ADGB: variants seen among roughly 807,000 people sequenced by gnomAD.
The protein encoded by ADGB is calpain-7-like protein.
In ADGB, 172 loss-of-function variants were observed where a neutral mutation model predicts 210.5. That is an observed-to-expected ratio of 0.82 (90% CI 0.72 to 0.93). ADGB has a LOEUF of 0.93. ADGB is among the 40% of genes least tolerant of loss of function. The pLI is 0.00. For missense variants in ADGB, 2,025 were observed against 1,964.8 expected, an observed-to-expected ratio of 1.03 and a Z score of -0.58; for synonymous variants, 658 against 662.7, an observed-to-expected ratio of 0.99 and a Z score of 0.11.
chr6:146,678,660 TA>T (rs11352837), intron 9 of ADGB, among the ~76,000 whole-genome samples: 1,579 of 152,310 alleles, frequency 0.01, 22 homozygotes, highest in African/African-American at 0.034. Context: ...GTCATTACAA[TA>T]AAATGACGCT....
rs147127852 is a variant in ADGB, at chr6:146,727,581, G to A, written c.2353-993G>A. ...CCCAGGTGTTTATTTATTTTGGTCT[G>A]TGAGCTCACATTTCCCTGGAGATAT... On this transcript the variant is annotated intron_variant, in intron 19 of 35. Transcript: ENST00000397944. Among the ~76,000 whole-genome samples the A allele has an allele frequency of 3.8e-3, 575 of 152,226 alleles. 7 individuals are homozygous for A. The highest frequency in any genetic ancestry group is 0.013 in the African/African-American group (554 of 41,544).
At chr6:146,803,424 C>G in intron 35 of ADGB, 20 of 1,608,420 alleles carry the variant, frequency 1.2e-5, no homozygotes, top group Non-Finnish European at 1.7e-5. Flanking sequence ...TGCCATGTCA[C>G]AGCCCCCACC....
chr6:146,782,572 T>G (rs1428033417), intron 30 of ADGB, among the ~76,000 whole-genome samples: 1 of 152,140 alleles, frequency 6.6e-6, no homozygotes, highest in Non-Finnish European at 1.5e-5. Context: ...TACAGCCCCT[T>G]CCAGGAGGAA....
chr6:146,659,803 G>A (rs938219228), intron 5 of ADGB, among the ~76,000 whole-genome samples: 2 of 152,204 alleles, frequency 1.3e-5, no homozygotes, highest in African/African-American at 4.8e-5. Flanking sequence ...TCCAATGGCA[G>A]CATTCCTTTG....
intron 29 of ADGB, among the ~76,000 whole-genome samples, chr6:146,778,897 A>G (rs1055847690): frequency 8.5e-5 from 13 of 152,176 alleles, no homozygotes; most frequent in African/African-American, 2.4e-4. Flanking sequence ...GCAATGAAAA[A>G]CCTGGCAAAA....
chr6:146,803,801 C>G, intron 35 of ADGB: 2 of 469,828 alleles, frequency 4.3e-6, no homozygotes, highest in South Asian at 2.5e-5. Context: ...GAGCGTCCCT[C>G]GGCTTCTGGG....
chr6:146,650,039 T>C (rs1379511404), intron 3 of ADGB, among the ~76,000 whole-genome samples: 1 of 152,146 alleles, frequency 6.6e-6, no homozygotes, highest in Non-Finnish European at 1.5e-5. Context: ...TGAGACAGCA[T>C]CAAAAACTCA....
At chr6:146,734,662 C>G (rs1777051884) in intron 22 of ADGB, among the ~76,000 whole-genome samples, 2 of 152,134 alleles carry the variant, frequency 1.3e-5, no homozygotes, top group African/African-American at 4.8e-5. Flanking sequence ...TATATTCAAG[C>G]ACTTTGGGAG....
intron 3 of ADGB, among the ~76,000 whole-genome samples, chr6:146,653,108 G>C (rs996783470): frequency 6.6e-6 from 1 of 152,024 alleles, no homozygotes. Flanking sequence ...TGTGAACTGC[G>C]TGTGCATGTG....
chr6:146,635,900 C>A (rs1465570059), intron 2 of ADGB, among the ~76,000 whole-genome samples: 1 of 152,144 alleles, frequency 6.6e-6, no homozygotes, highest in African/African-American at 2.4e-5. Context: ...GACTTGGAAG[C>A]TGTGACCGGG....
intron 33 of ADGB, among the ~76,000 whole-genome samples, chr6:146,790,391 T>C (rs1211451518): frequency 6.6e-6 from 1 of 152,128 alleles, no homozygotes; most frequent in Non-Finnish European, 1.5e-5. Context: ...CTAATATCTA[T>C]ATCTACAAGT....
chr6:146,783,077 A>T (rs1478252379), intron 30 of ADGB, among the ~76,000 whole-genome samples: 1 of 152,206 alleles, frequency 6.6e-6, no homozygotes, highest in African/African-American at 2.4e-5. Flanking sequence ...AAAATACTTC[A>T]GTAATCTAAG....
intron 14 of ADGB, among the ~76,000 whole-genome samples, chr6:146,716,653 A>G (rs1776740220): frequency 6.6e-6 from 1 of 151,140 alleles, no homozygotes; most frequent in African/African-American, 2.4e-5. Context: ...CGTCAAAGTA[A>G]TTCTGAAATT....
chr6:146,667,694 G>T (rs1048582590), intron 7 of ADGB, among the ~76,000 whole-genome samples: 12 of 151,972 alleles, frequency 7.9e-5, no homozygotes, highest in Admixed American at 7.2e-4. Flanking sequence ...TTATAAACCT[G>T]TCACACTTAC....
At chr6:146,684,940 C>A (rs1776202522) in intron 9 of ADGB, among the ~76,000 whole-genome samples, 2 of 152,016 alleles carry the variant, frequency 1.3e-5, no homozygotes, top group Non-Finnish European at 2.9e-5. Flanking sequence ...TTTCATATCT[C>A]CATTCTAGAC....
chr6:146,684,709 C>G (rs576719907), intron 9 of ADGB, among the ~76,000 whole-genome samples: 161 of 152,078 alleles, frequency 1.1e-3, no homozygotes, highest in Non-Finnish European at 2.0e-3. Flanking sequence ...ATTAACCAAG[C>G]CTCTGCAGAG....
chr6:146,768,901 AAT>A (rs757825607), intron 28 of ADGB, 117 bp from the exon 29 acceptor site: 153 of 508,200 alleles, frequency 3.0e-4, no homozygotes, highest in Non-Finnish European at 5.0e-4. Context: ...GATTTAACTA[AAT>A]TATGACTGTC....
intron 32 of ADGB, among the ~76,000 whole-genome samples, 153 bp downstream of exon 32, chr6:146,785,865 C>T (rs1777865395): frequency 6.6e-6 from 1 of 152,044 alleles, no homozygotes; most frequent in South Asian, 2.1e-4. Context: ...TTTCAGATAA[C>T]TATATGAATA....
chr6:146,608,898 G>A (rs1780667551), intron 1 of ADGB, among the ~76,000 whole-genome samples: 1 of 152,174 alleles, frequency 6.6e-6, no homozygotes, highest in Non-Finnish European at 1.5e-5. Context: ...TCGGTCATGT[G>A]TTGAGTTTAG....
Sources: gnomAD v4.1 joint callset for allele counts (sites outside exome capture counted in the v4.1 genomes callset) on GRCh38, gnomAD v4.1.1 for gene constraint, MANE v1.5 for transcripts, NCBI Gene and HGNC (gene_info 2026-07-23, HGNC 2026-07-21) for gene names.